MCM5: variants seen among roughly 807,000 people sequenced by gnomAD.
The protein encoded by MCM5 is DNA replication licensing factor MCM5.
A neutral mutation model predicts 79.9 loss-of-function variants in MCM5; 46 were observed. The ratio of observed to expected loss-of-function variants is 0.58; its 90% CI spans 0.45 to 0.74. The LOEUF (loss-of-function observed/expected upper bound fraction) is 0.74. MCM5 is among the 30% of genes least tolerant of loss of function. The pLI, the probability that MCM5 is intolerant of heterozygous loss-of-function variation, is 0.00. For synonymous variants in MCM5, 404 were observed against 390.5 expected, an observed-to-expected ratio of 1.03 and a Z score of -0.41; for missense variants, 883 against 1,017.0, an observed-to-expected ratio of 0.87 and a Z score of 1.79.
At chr22:35,452,516 G>A in the MCM5 span, among the ~76,000 whole-genome samples, 12 of 152,332 alleles carry the variant, frequency 7.9e-5, no homozygotes, top group East Asian at 2.1e-3. Flanking sequence ...CCACGGTAAA[G>A]TGACGCTAAG....
intron 9 of MCM5, among the ~76,000 whole-genome samples, chr22:35,415,256 G>A (rs559087138): frequency 2.4e-4 from 36 of 152,222 alleles, no homozygotes; most frequent in Non-Finnish European, 4.6e-4. Context: ...TGTTTAACTC[G>A]CTATATCTAA....
intron 4 of MCM5, among the ~76,000 whole-genome samples, chr22:35,404,862 G>A (rs1298674367): frequency 6.6e-6 from 1 of 152,190 alleles, no homozygotes; most frequent in Non-Finnish European, 1.5e-5. Flanking sequence ...CAGGAGCTTT[G>A]TGAAGGGCAA....
the MCM5 span, among the ~76,000 whole-genome samples, chr22:35,431,351 C>T: frequency 6.7e-4 from 102 of 152,262 alleles, 1 homozygote; most frequent in East Asian, 6.9e-3. Context: ...GCCCAACCCC[C>T]GAATCTTTGC....
At chr22:35,444,191 CAG>C in the MCM5 span, among the ~76,000 whole-genome samples, 1 of 122,688 alleles carries the variant, frequency 8.2e-6, no homozygotes, top group Non-Finnish European at 1.6e-5. Context: ...GAGAAGAGAA[CAG>C]AGAAAAGAGA....
intron 2 of MCM5, among the ~76,000 whole-genome samples, chr22:35,402,428 G>A (rs1219429155): frequency 6.6e-6 from 1 of 151,590 alleles, no homozygotes; most frequent in African/African-American, 2.4e-5. Context: ...CCGGGTTCAA[G>A]TGATTCTCCT....
chr22:35,453,819 TAGAGAG>T, the MCM5 span, among the ~76,000 whole-genome samples: 18 of 81,548 alleles, frequency 2.2e-4, no homozygotes, highest in East Asian at 2.0e-3. Context: ...TATATATATA[TAGAGAG>T]AGAGAGAGAG....
At chr22:35,416,008 G>C (rs750638818) in intron 10 of MCM5, 36 bp downstream of exon 10, 5 of 1,599,078 alleles carry the variant, frequency 3.1e-6, no homozygotes, top group Non-Finnish European at 4.3e-6. Flanking sequence ...CCAAAAGGTG[G>C]GTGGCACCAG....
At position 35,410,875 on chromosome 22, in the gene MCM5, G is replaced by A. The variant is rs770531025; in HGVS notation, c.884G>A (p.Arg295His). ...GTGGGCATCCGAAGCTCCTACATCC[G>A]TGTCCTGGGCATCCAGGTGGACACA... ...VGVGIRSSYI[R>H]VLGIQVDTDG... Residue 295 changes from arginine to histidine, a missense_variant, in exon 7 of 17, where the codon CGT becomes CAT. Around this residue, in one of 3 missense-constraint regions of MCM5, gnomAD observed 455 missense variants for 517.5 expected, o/e 0.88. Transcript: ENST00000216122. 7.4e-6 allele frequency: 12 copies of A among 1,610,808 alleles called. No homozygotes were observed. The highest frequency in any genetic ancestry group is 1.7e-5 in the Admixed American group (1 of 59,884).
chr22:35,410,360 A>T (rs1932340941), intron 6 of MCM5: 1 of 231,132 alleles, frequency 4.3e-6, no homozygotes, highest in South Asian at 5.3e-5. Context: ...TCTTGCCCTG[A>T]GAGGCTAAAG....
chr22:35,451,325 T>C, the MCM5 span, among the ~76,000 whole-genome samples: 210 of 152,384 alleles, frequency 1.4e-3, no homozygotes, highest in African/African-American at 4.5e-3. Context: ...CGGGAACATT[T>C]AAGTCAAACT....
chr22:35,428,078 T>C (rs1363014254), downstream of MCM5, among the ~76,000 whole-genome samples: 1 of 150,726 alleles, frequency 6.6e-6, no homozygotes, highest in African/African-American at 2.4e-5. Context: ...TGGAGTGCAT[T>C]GGCGCGATCT....
chr22:35,441,986 T>G, the MCM5 span, among the ~76,000 whole-genome samples: 21 of 152,100 alleles, frequency 1.4e-4, no homozygotes, highest in African/African-American at 3.9e-4. Flanking sequence ...CACGGGTCCC[T>G]CCCTCTGTCC....
At chr22:35,400,823 ATTTG>A (rs1932023997) in intron 2 of MCM5, among the ~76,000 whole-genome samples, 1 of 151,934 alleles carries the variant, frequency 6.6e-6, no homozygotes, top group Admixed American at 6.6e-5. Flanking sequence ...TTATTAACGT[ATTTG>A]TTTATTATTT....
chr22:35,441,883 T>G, the MCM5 span, among the ~76,000 whole-genome samples: 1 of 152,146 alleles, frequency 6.6e-6, no homozygotes, highest in South Asian at 2.1e-4. Context: ...TGGCTAGAAC[T>G]GCCTAAAGGA....
At chr22:35,435,931 C>A in the MCM5 span, among the ~76,000 whole-genome samples, 1 of 152,138 alleles carries the variant, frequency 6.6e-6, no homozygotes, top group East Asian at 1.9e-4. Flanking sequence ...CTTTGGGAGG[C>A]CGAGGCGGGC....
At position 35,407,262 on chromosome 22, in the gene MCM5, G is replaced by A. The variant is rs531713889; in HGVS notation, c.596+537G>A. On this transcript the variant is annotated intron_variant, in intron 5 of 16. Coordinates refer to ENST00000216122, the MANE Select transcript of MCM5 (RefSeq NM_006739.4). ...CTGGCTGCTCTTTCTTGGCTCCTTC[G>A]CTGGTGCCTCCTCAGCTTCCCATCC... 2.0e-5 allele frequency among the ~76,000 whole-genome samples: 3 copies of A among 152,104 alleles called. No individual in the cohort carries two copies. The South Asian group carries it at 6.2e-4, about 32-fold the overall frequency.
intron 14 of MCM5, among the ~76,000 whole-genome samples, chr22:35,420,495 C>A (rs1932668003): frequency 6.6e-6 from 1 of 152,194 alleles, no homozygotes. Context: ...ATGGATTTGG[C>A]TATAAGTAAT....
Position 35,425,415 on chromosome 22 carries a change from C to T in MCM5, c.*1160C>T, listed in dbSNP as rs1288935417. 1.3e-5 allele frequency: 2 copies of T among 152,092 alleles called. No individual in the cohort carries two copies. The highest frequency in any genetic ancestry group is 2.9e-5 in the Non-Finnish European group (2 of 68,012). The allele number at this position is 152,092 out of a possible 1,614,324, so 9.4% of individuals were successfully genotyped here. A position where few individuals can be genotyped will look rare whatever the true frequency, so the allele number is the denominator to read the frequency against. ...AGATTATTTGATTTTTCTAAAAATA[C>T]AAGAAAGCTTGGTGCATCCGCCTGG... On this transcript the variant is annotated 3_prime_UTR_variant, in exon 17 of 17. Coordinates refer to ENST00000216122, the MANE Select transcript of MCM5 (RefSeq NM_006739.4).
intron 6 of MCM5, 63 bp from the exon 7 acceptor site, chr22:35,410,681 C>G (rs1409455974): frequency 6.0e-6 from 9 of 1,506,660 alleles, no homozygotes; most frequent in Non-Finnish European, 8.3e-6. Flanking sequence ...TGGGTGGAAT[C>G]AGAGACTTGC....
Sources: gnomAD v4.1 joint callset for allele counts (sites outside exome capture counted in the v4.1 genomes callset) on GRCh38, gnomAD v4.1.1 for gene constraint, gnomAD v4.1.1 regional missense constraint, MANE v1.5 for transcripts, NCBI Gene and HGNC (gene_info 2026-07-23, HGNC 2026-07-21) for gene names.